Variants in ARHGAP10 observed in about 807,000 individuals in gnomAD.
The protein encoded by ARHGAP10 is Rho GTPase activating protein 10.
Under a neutral mutation model 108.6 loss-of-function variants are expected in ARHGAP10, and 87 were observed. That is an observed-to-expected ratio of 0.80 (90% confidence interval 0.67 to 0.96). The LOEUF is 0.96. Ranked by LOEUF, ARHGAP10 falls within the 40% of genes least tolerant of loss-of-function variation. The probability of loss-of-function intolerance (pLI) is 0.00; values close to 1 mark genes in which losing one functional copy is unlikely to be tolerated. For synonymous variants in ARHGAP10, 347 were observed against 341.1 expected (o/e 1.02, Z -0.19); for missense variants, 939 against 954.5 (o/e 0.98, Z 0.21).
chr4:147,732,955 C>T (rs936438508), intron 1 of ARHGAP10, among the ~76,000 whole-genome samples: 10 of 152,216 alleles, frequency 6.6e-5, no homozygotes, highest in African/African-American at 2.4e-4. Flanking sequence ...TTCACCTTTT[C>T]CCTCTCATTG....
chr4:147,980,780 G>T (rs987151346), intron 18 of ARHGAP10, among the ~76,000 whole-genome samples: 1 of 152,106 alleles, frequency 6.6e-6, no homozygotes, highest in Non-Finnish European at 1.5e-5. Context: ...TTGTGTGGTT[G>T]TATGTTTCCA....
At chr4:148,011,921 A>G (rs922900418) in intron 18 of ARHGAP10, among the ~76,000 whole-genome samples, 2 of 152,222 alleles carry the variant, frequency 1.3e-5, no homozygotes, top group Non-Finnish European at 2.9e-5. Context: ...TCTATGTGCT[A>G]ATCCCCCAGT....
intron 13 of ARHGAP10, 45 bp from the exon 14 acceptor site, chr4:147,939,780 A>G (rs1738101633): frequency 6.5e-7 from 1 of 1,528,926 alleles, no homozygotes; most frequent in Non-Finnish European, 9.1e-7. Flanking sequence ...GGCTTTTAAA[A>G]TATGATAGTC....
intron 10 of ARHGAP10, among the ~76,000 whole-genome samples, chr4:147,898,394 CCTCT>C (rs1736085272): frequency 6.6e-6 from 1 of 151,672 alleles, no homozygotes; most frequent in Admixed American, 6.6e-5. Context: ...ATCAGTCTCT[CCTCT>C]CTCCTCTGTT....
chr4:148,050,462 C>T (rs1241054442), intron 20 of ARHGAP10, among the ~76,000 whole-genome samples: 6 of 149,556 alleles, frequency 4.0e-5, no homozygotes, highest in African/African-American at 1.5e-4. Context: ...CAAGCTCCGC[C>T]TCCTGGGTTC....
At position 147,875,012 on chromosome 4, in the gene ARHGAP10, C is replaced by G; in HGVS notation, c.703-9C>G. On this transcript the variant is annotated splice_polypyrimidine_tract_variant and intron_variant, in intron 7 of 22. Coordinates refer to ENST00000336498, the MANE Select transcript of ARHGAP10 (RefSeq NM_024605.4). ...TTAACATTTATGTGTGTTTTTTAAT[C>G]CATTTCAGACACGGAATCGATTTGA... 1 of 1,566,000 alleles carries G rather than the reference C, an allele frequency of 6.4e-7. No homozygotes were observed. Among genetic ancestry groups the G allele is most frequent in the Non-Finnish European group, 8.6e-7 (1 of 1,163,506 alleles).
intron 1 of ARHGAP10, among the ~76,000 whole-genome samples, chr4:147,739,880 C>A (rs531611650): frequency 8.7e-5 from 13 of 150,182 alleles, no homozygotes; most frequent in African/African-American, 3.2e-4. Context: ...GGATTACAGG[C>A]GCCTGCCACC....
rs551647361 is a variant in ARHGAP10 at position 147,835,177 on chromosome 4, C to T, written c.313-11974C>T. Among the ~76,000 whole-genome samples the T allele has an allele frequency of 1.6e-3, 241 of 152,272 alleles. 1 individual carries two copies. The highest frequency in any genetic ancestry group is 2.7e-3 in the Non-Finnish European group (183 of 68,034). On this transcript the variant is annotated intron_variant, in intron 3 of 22. Transcript: ENST00000336498. ...GAGGATACAATGAGGAAACCCTTGT[C>T]CAGAGTGCTCAGCTAGTGGCCGCCT...
chr4:148,011,894 T>G (rs1741182344), intron 18 of ARHGAP10, among the ~76,000 whole-genome samples: 1 of 152,208 alleles, frequency 6.6e-6, no homozygotes, highest in Non-Finnish European at 1.5e-5. Flanking sequence ...TTAGTTGGGA[T>G]TTGAATTACA....
chr4:147,998,289 A>G (rs1740558890), intron 18 of ARHGAP10, among the ~76,000 whole-genome samples: 1 of 152,258 alleles, frequency 6.6e-6, no homozygotes, highest in Non-Finnish European at 1.5e-5. Context: ...ATAGATATAC[A>G]GTGCATATAA....
Position 147,875,047 on chromosome 4 carries a change from G to T in ARHGAP10, c.729G>T (p.Arg243Ser). The change falls in exon 8 of 23, where the codon AGG (arginine) becomes AGT (serine). Residue 243 changes from arginine to serine, a missense_variant. By Grantham distance (110) the Arg-to-Ser change is moderately radical (BLOSUM62 -1). Transcript: ENST00000336498. Reference protein sequence around the residue: ...QNTRNRFEGTRSEVEELMNKI... With the variant: ...QNTRNRFEGTSSEVEELMNKI... ...CACGGAATCGATTTGAAGGAACAAG[G>T]TCAGAAGTGGAAGAGCTCATGAACA... 1 of 1,604,718 alleles carries T rather than the reference G, an allele frequency of 6.2e-7. No individual in the cohort carries two copies. Among genetic ancestry groups the T allele is most frequent in the Non-Finnish European group, 8.5e-7 (1 of 1,177,676 alleles).
At chr4:147,924,304 G>T (rs1374296951) in intron 13 of ARHGAP10, among the ~76,000 whole-genome samples, 1 of 151,932 alleles carries the variant, frequency 6.6e-6, no homozygotes, top group East Asian at 1.9e-4. Flanking sequence ...TTTGGTTTAG[G>T]ACTGTTACTA....
At chr4:148,069,527 C>G (rs1254121583) in intron 22 of ARHGAP10, among the ~76,000 whole-genome samples, 1 of 152,202 alleles carries the variant, frequency 6.6e-6, no homozygotes, top group Non-Finnish European at 1.5e-5. Context: ...TGTAGAAAAT[C>G]ACCTTTTTCC....
chr4:147,754,003 C>G (rs1367208868), intron 1 of ARHGAP10, among the ~76,000 whole-genome samples: 1 of 152,194 alleles, frequency 6.6e-6, no homozygotes, highest in African/African-American at 2.4e-5. Flanking sequence ...TTCCTAAAAA[C>G]TTTGATACCC....
chr4:148,069,515 G>A (rs375716892), intron 22 of ARHGAP10, among the ~76,000 whole-genome samples: 26 of 152,288 alleles, frequency 1.7e-4, no homozygotes, highest in African/African-American at 5.1e-4. Flanking sequence ...CACCTCCAGC[G>A]TTGTAGAAAA....
chr4:147,790,245 CCTT>C (rs1731065948), intron 1 of ARHGAP10, among the ~76,000 whole-genome samples: 1 of 152,116 alleles, frequency 6.6e-6, no homozygotes, highest in African/African-American at 2.4e-5. Flanking sequence ...GCTTGAGTCT[CCTT>C]CTCTTACAAT....
chr4:147,836,079 A>G (rs915913421), intron 3 of ARHGAP10, among the ~76,000 whole-genome samples: 1 of 152,216 alleles, frequency 6.6e-6, no homozygotes, highest in East Asian at 1.9e-4. Context: ...TTTGATTTAA[A>G]TAATCTGAAT....
At chr4:147,981,047 T>C (rs544609046) in intron 18 of ARHGAP10, among the ~76,000 whole-genome samples, 30 of 152,190 alleles carry the variant, frequency 2.0e-4, no homozygotes, top group Non-Finnish European at 4.1e-4. Flanking sequence ...GTATGGTATT[T>C]TTGGGTCTTG....
intron 3 of ARHGAP10, among the ~76,000 whole-genome samples, chr4:147,828,795 GA>G (rs1314845673): frequency 6.6e-6 from 1 of 151,566 alleles, no homozygotes; most frequent in Non-Finnish European, 1.5e-5. Flanking sequence ...GCCAGTCTAA[GA>G]AAAAAAGTCA....
Sources: allele counts gnomAD v4.1 joint callset (sites outside exome capture counted in the v4.1 genomes callset), GRCh38; gene constraint gnomAD v4.1.1; transcripts MANE v1.5; gene names NCBI Gene and HGNC (gene_info 2026-07-23, HGNC 2026-07-21).